The following TMEM120B variants were observed in gnomAD, a reference collection of about 807,000 sequenced individuals.
TMEM120B encodes the protein transmembrane protein 120B.
Under a neutral mutation model 55.5 loss-of-function variants are expected in TMEM120B, and 31 were observed. That is an observed-to-expected ratio of 0.56 (90% CI 0.42 to 0.75). TMEM120B has a LOEUF of 0.75. Among genes scored for constraint, TMEM120B ranks in the 30% least tolerant of loss-of-function variants. The pLI is 0.00. For synonymous variants in TMEM120B, 203 were observed against 176.3 expected (o/e 1.15, Z -1.20); for missense variants, 399 against 425.5 (o/e 0.94, Z 0.55).
intron 6 of TMEM120B, among the ~76,000 whole-genome samples, chr12:121,769,993 G>A (rs1873984051): frequency 6.6e-6 from 1 of 152,144 alleles, no homozygotes; most frequent in Admixed American, 6.5e-5. Context: ...GCCTTTGTGA[G>A]GTGACAGCTA....
intron 1 of TMEM120B, among the ~76,000 whole-genome samples, chr12:121,715,725 G>A (rs548452680): frequency 6.6e-6 from 1 of 152,038 alleles, no homozygotes; most frequent in Admixed American, 6.6e-5. Context: ...ATCATAGATC[G>A]GAGCAGAAAC....
chr12:121,742,007 C>CTT (rs1395595652), intron 1 of TMEM120B, among the ~76,000 whole-genome samples: 3 of 140,978 alleles, frequency 2.1e-5, no homozygotes, highest in East Asian at 4.1e-4. Context: ...ACTTAACTTC[C>CTT]TTTTTTTTTT....
chr12:121,722,181 C>T (rs1007743110), intron 1 of TMEM120B, among the ~76,000 whole-genome samples: 1 of 151,282 alleles, frequency 6.6e-6, no homozygotes. Flanking sequence ...TCACTGCAAC[C>T]TCTGCCTCCC....
intron 1 of TMEM120B, among the ~76,000 whole-genome samples, chr12:121,713,847 A>T (rs1267681315): frequency 6.6e-6 from 1 of 151,854 alleles, no homozygotes; most frequent in Non-Finnish European, 1.5e-5. Context: ...CAGTCACGGG[A>T]TTGTTTTTCG....
intron 5 of TMEM120B, among the ~76,000 whole-genome samples, chr12:121,756,618 G>A (rs954567512): frequency 6.6e-6 from 1 of 152,128 alleles, no homozygotes; most frequent in Non-Finnish European, 1.5e-5. Flanking sequence ...GAACCCCCCC[G>A]AATCTCCTCC....
intron 1 of TMEM120B, among the ~76,000 whole-genome samples, chr12:121,728,307 G>C (rs796234040): frequency 3.2e-4 from 48 of 151,798 alleles, no homozygotes; most frequent in African/African-American, 1.1e-3. Flanking sequence ...GGCTAACACA[G>C]TGAAACCCTG....
intron 1 of TMEM120B, among the ~76,000 whole-genome samples, chr12:121,726,591 AAAAT>A (rs925206626): frequency 4.8e-5 from 7 of 147,176 alleles, no homozygotes; most frequent in Admixed American, 2.0e-4. Flanking sequence ...AAAAAAAAAT[AAAAT>A]AAAATAATAA....
At chr12:121,737,107 T>G (rs1015535658) in intron 1 of TMEM120B, among the ~76,000 whole-genome samples, 17 of 152,118 alleles carry the variant, frequency 1.1e-4, no homozygotes, top group African/African-American at 4.1e-4. Flanking sequence ...TCTGCCATAT[T>G]CTATTGTCAG....
In TMEM120B at chr12:121,779,894, T is replaced by C. The variant is rs1874384306; in HGVS notation, c.*4172T>C. ...CTGTCCAGGCCCCCACCCTGGCCTC[T>C]CTCCAGCTCCGGGCAGGGAGGGGCT... is the stretch of plus-strand genomic sequence containing the variant. On this transcript the variant is annotated 3_prime_UTR_variant, in exon 12 of 12. Coordinates refer to ENST00000449592, the MANE Select transcript of TMEM120B (RefSeq NM_001080825.2). 7 of 520,898 alleles carry C rather than the reference T, an allele frequency of 1.3e-5. No homozygotes were observed. The South Asian group carries it at 1.6e-4, about 12-fold the overall frequency. The allele number at this position is 520,898 out of a possible 1,614,324, so 32.3% of individuals were successfully genotyped here. A position where few individuals can be genotyped will look rare whatever the true frequency, so the allele number is the denominator to read the frequency against.
chr12:121,717,124 A>G lies in TMEM120B; in HGVS notation c.69+4160A>G, dbSNP rs1289352550. On this transcript the variant is annotated intron_variant, in intron 1 of 11. Coordinates refer to ENST00000449592, the MANE Select transcript of TMEM120B (RefSeq NM_001080825.2). ...CAGGCATGCTGGTGAGTTGAGTGCT[A>G]GTCTGAGACCAGTGTGCTCCTGGTC... Among the ~76,000 whole-genome samples the G allele has an allele frequency of 5.3e-5, 8 of 152,274 alleles. 1 individual carries two copies. Among genetic ancestry groups the G allele is most frequent in the African/African-American group, 1.7e-4 (7 of 41,560 alleles).
intron 1 of TMEM120B, among the ~76,000 whole-genome samples, chr12:121,714,933 G>A (rs2871131): frequency 0.12 from 18,797 of 151,970 alleles, 1,934 homozygotes; most frequent in African/African-American, 0.27. Context: ...GTGGGTGTTA[G>A]GGTTGGGAAT....
At chr12:121,733,932 A>G (rs1464594276) in intron 1 of TMEM120B, among the ~76,000 whole-genome samples, 1 of 152,178 alleles carries the variant, frequency 6.6e-6, no homozygotes, top group Non-Finnish European at 1.5e-5. Context: ...CTGTTAATAT[A>G]CTTTTAAAAA....
chr12:121,768,848 C>A (rs1424332044), intron 6 of TMEM120B, among the ~76,000 whole-genome samples: 2 of 152,126 alleles, frequency 1.3e-5, no homozygotes, highest in African/African-American at 4.8e-5. Flanking sequence ...AACTGTGGAT[C>A]AGGAGCCCCC....
At chr12:121,756,159 G>A (rs1158734641) in intron 5 of TMEM120B, among the ~76,000 whole-genome samples, 4 of 152,156 alleles carry the variant, frequency 2.6e-5, no homozygotes, top group Admixed American at 1.3e-4. Flanking sequence ...TCCAGAGCCC[G>A]TGAATAAGTT....
At position 121,757,520 on chromosome 12, in the gene TMEM120B, A is replaced by T. The variant is rs866107212; in HGVS notation, c.462-4129A>T. Among the ~76,000 whole-genome samples, 485 of 98,458 alleles carry T rather than the reference A, an allele frequency of 4.9e-3. 3 individuals carry two copies. The highest frequency in any genetic ancestry group is 0.019 in the South Asian group (66 of 3,424). 64.6% of individuals were successfully genotyped at this position (98,458 alleles called of 152,430 possible). A position where few individuals can be genotyped will look rare whatever the true frequency, so the allele number is the denominator to read the frequency against. On this transcript the variant is annotated intron_variant, in intron 5 of 11. Transcript: ENST00000449592. ...CTGCGCCCGGCTAATTATTATTATT[A>T]TTTATTTTTTTTTTGAGACAGAGTC... is the stretch of plus-strand genomic sequence containing the variant.
chr12:121,744,859 G>A (rs533347068), intron 2 of TMEM120B, among the ~76,000 whole-genome samples: 5 of 152,312 alleles, frequency 3.3e-5, no homozygotes, highest in African/African-American at 4.8e-5. Context: ...ATGGAGGCCC[G>A]CAACTAAGGG....
chr12:121,771,035 G>C (rs1874029701), intron 7 of TMEM120B, 63 bp downstream of exon 7: 3 of 1,561,362 alleles, frequency 1.9e-6, no homozygotes, highest in African/African-American at 1.4e-5. Flanking sequence ...GCCCGGGAAT[G>C]GGGAGGGGGC....
chr12:121,716,323 A>G (rs898186159), intron 1 of TMEM120B, among the ~76,000 whole-genome samples: 3 of 151,402 alleles, frequency 2.0e-5, no homozygotes, highest in Non-Finnish European at 4.4e-5. Flanking sequence ...AAAAAAAAAA[A>G]AGAGATTTGT....
At chr12:121,740,211 AC>A (rs1482867367) in intron 1 of TMEM120B, among the ~76,000 whole-genome samples, 2 of 152,070 alleles carry the variant, frequency 1.3e-5, no homozygotes, top group Non-Finnish European at 2.9e-5. Flanking sequence ...GAGGCCTGGC[AC>A]GGTGGCTCAT....
Sources: gnomAD v4.1 joint callset for allele counts (sites outside exome capture counted in the v4.1 genomes callset) on GRCh38, gnomAD v4.1.1 for gene constraint, MANE v1.5 for transcripts, NCBI Gene and HGNC (gene_info 2026-07-23, HGNC 2026-07-21) for gene names.